Variants in RAB6A observed in about 807,000 individuals in gnomAD.
The protein encoded by RAB6A is RAB6A, member RAS oncogene family.
Under a neutral mutation model 32.3 loss-of-function variants are expected in RAB6A, and 8 were observed. That is an observed-to-expected ratio of 0.25 (90% CI 0.15 to 0.45). The LOEUF is 0.45. Among genes scored for constraint, RAB6A ranks in the 20% least tolerant of loss-of-function variants. RAB6A has a pLI of 1.00. For missense variants in RAB6A, 104 were observed against 249.4 expected (o/e 0.42, Z 3.93); for synonymous variants, 73 against 82.1 (o/e 0.89, Z 0.60).
chr11:73,704,884 T>C (rs2134914228), intron 6 of RAB6A, among the ~76,000 whole-genome samples: 1 of 151,606 alleles, frequency 6.6e-6, no homozygotes, highest in East Asian at 1.9e-4. Context: ...TAGTCCCAGC[T>C]GCTCGGGAGG....
At chr11:73,694,957 A>G (rs958609607) in intron 6 of RAB6A, among the ~76,000 whole-genome samples, 1 of 152,250 alleles carries the variant, frequency 6.6e-6, no homozygotes, top group Non-Finnish European at 1.5e-5. Context: ...TTGAGGTAAC[A>G]GTGAGCTGAG....
intron 1 of RAB6A, among the ~76,000 whole-genome samples, chr11:73,732,330 T>C (rs1424523022): frequency 6.6e-6 from 1 of 152,104 alleles, no homozygotes; most frequent in Non-Finnish European, 1.5e-5. Context: ...CTCACGCCTG[T>C]AATCCCAGCA....
chr11:73,712,440 T>G (rs1403724927), intron 5 of RAB6A, among the ~76,000 whole-genome samples: 1 of 151,694 alleles, frequency 6.6e-6, no homozygotes, highest in Non-Finnish European at 1.5e-5. Flanking sequence ...AACCTCCACC[T>G]CCTGGGCTCA....
At chr11:73,750,209 C>T (rs1590892034) in intron 1 of RAB6A, among the ~76,000 whole-genome samples, 1 of 152,012 alleles carries the variant, frequency 6.6e-6, no homozygotes, top group East Asian at 1.9e-4. Context: ...TCACAACGGA[C>T]AGGATAACAA....
At chr11:73,699,435 T>C (rs1945706968) in intron 6 of RAB6A, among the ~76,000 whole-genome samples, 2 of 152,014 alleles carry the variant, frequency 1.3e-5, no homozygotes, top group African/African-American at 4.8e-5. Context: ...GCTAGGTAAT[T>C]TTTAAATTTT....
At chr11:73,714,145 T>C (rs954186057) in intron 5 of RAB6A, among the ~76,000 whole-genome samples, 23 of 144,680 alleles carry the variant, frequency 1.6e-4, no homozygotes, top group African/African-American at 4.9e-4. Context: ...TTAGCCAAGA[T>C]TGTGCCATTG....
At chr11:73,744,897 C>A (rs1946562655) in intron 1 of RAB6A, among the ~76,000 whole-genome samples, 1 of 151,832 alleles carries the variant, frequency 6.6e-6, no homozygotes, top group Non-Finnish European at 1.5e-5. Flanking sequence ...ATCGCTTGAA[C>A]CCGGGAAGTG....
intron 6 of RAB6A, among the ~76,000 whole-genome samples, chr11:73,681,456 G>A (rs567033813): frequency 2.8e-4 from 42 of 152,272 alleles, no homozygotes; most frequent in East Asian, 1.9e-3. Context: ...TGAATTAAAC[G>A]AAGAAAGAAC....
Position 73,739,276 on chromosome 11 carries a change from A to AT in RAB6A, c.71-8454_71-8453insA, listed in dbSNP as rs1193734730. Among the ~76,000 whole-genome samples the AT allele has an allele frequency of 1.9e-3, 39 of 20,716 alleles. 2 individuals are homozygous for AT. Among genetic ancestry groups the AT allele is most frequent in the African/African-American group, 3.1e-3 (31 of 9,978 alleles). The allele number at this position is 20,716 out of a possible 152,430, so 13.6% of individuals were successfully genotyped here. A position where few individuals can be genotyped will look rare whatever the true frequency, so the allele number is the denominator to read the frequency against. On this transcript the variant is annotated intron_variant, in intron 1 of 7. Transcript: ENST00000336083. Reference sequence around the variant, plus strand: ...AGTAATAATAATTAAAAAAAAAAAAAAAAAAAAAATATATATATATATATA... The same window carrying AT: ...AGTAATAATAATTAAAAAAAAAAAAATAAAAAAAAATATATATATATATATA...
intron 6 of RAB6A, among the ~76,000 whole-genome samples, chr11:73,686,377 A>C (rs1945455936): frequency 6.6e-6 from 1 of 152,098 alleles, no homozygotes; most frequent in Non-Finnish European, 1.5e-5. Context: ...AACATGGTGA[A>C]ACTCCATCTC....
intron 2 of RAB6A, among the ~76,000 whole-genome samples, chr11:73,723,626 G>A (rs184214026): frequency 2.0e-5 from 3 of 152,268 alleles, no homozygotes; most frequent in Non-Finnish European, 4.4e-5. Flanking sequence ...ACTGCGCCTG[G>A]CCGAAAGAAA....
At chr11:73,705,855 G>A (rs918851210) in intron 6 of RAB6A, among the ~76,000 whole-genome samples, 10 of 149,954 alleles carry the variant, frequency 6.7e-5, no homozygotes, top group Non-Finnish European at 1.5e-4. Flanking sequence ...AGATCAGGTC[G>A]GTGAAAACAC....
chr11:73,723,169 G>A (rs543585284), intron 2 of RAB6A, among the ~76,000 whole-genome samples: 5 of 152,076 alleles, frequency 3.3e-5, no homozygotes, highest in Admixed American at 2.0e-4. Context: ...CTAGAGTGAT[G>A]AACAAACATG....
chr11:73,721,419 A>G (rs71479536), intron 2 of RAB6A, among the ~76,000 whole-genome samples: 5,555 of 152,290 alleles, frequency 0.036, 150 homozygotes, highest in Middle Eastern at 0.071. Context: ...GTCATTAGGT[A>G]AGGAAAACAA....
At chr11:73,713,484 C>G (rs1292145863) in intron 5 of RAB6A, among the ~76,000 whole-genome samples, 1 of 151,010 alleles carries the variant, frequency 6.6e-6, no homozygotes, top group Non-Finnish European at 1.5e-5. Context: ...AGGAGAATGG[C>G]GTGAACCCGG....
chr11:73,727,309 C>T lies in RAB6A; in HGVS notation c.129+3456G>A, dbSNP rs527933041. Reference sequence around the variant, plus strand: ...GGAGTGGTGGCGTGTACCTGTAGTCCCAGCTACTTAGGAGGCTGAGGCAGG... The same window carrying T: ...GGAGTGGTGGCGTGTACCTGTAGTCTCAGCTACTTAGGAGGCTGAGGCAGG... On this transcript the variant is annotated intron_variant, in intron 2 of 7. Coordinates refer to ENST00000336083, the MANE Select transcript of RAB6A (RefSeq NM_198896.2). 2.0e-3 allele frequency among the ~76,000 whole-genome samples: 304 copies of T among 151,660 alleles called. 1 individual carries two copies. Among genetic ancestry groups the T allele is most frequent in the Non-Finnish European group, 3.3e-3 (223 of 67,874 alleles).
At chr11:73,754,885 A>C (rs1048358868) in intron 1 of RAB6A, among the ~76,000 whole-genome samples, 1 of 2,012 alleles carries the variant, frequency 5.0e-4, no homozygotes, top group African/African-American at 6.5e-4. Flanking sequence ...GGATGCAGTC[A>C]AAAAAAAAAA....
chr11:73,756,781 T>C (rs181249246), intron 1 of RAB6A, among the ~76,000 whole-genome samples: 69 of 152,102 alleles, frequency 4.5e-4, no homozygotes, highest in Non-Finnish European at 7.4e-4. Context: ...GGTTGCAGTT[T>C]TCCTGCCTCA....
rs373456006 is a variant in RAB6A at position 73,718,713 on chromosome 11, T to C, written c.189A>G (p.Arg63=). Residue 63 remains arginine (R), a synonymous_variant, in exon 4 of 8, where the codon CGA becomes CGG. Coordinates refer to ENST00000336083, the MANE Select transcript of RAB6A (RefSeq NM_198896.2). ...GACCTGCTGTGTCCCATAATTGCAA[T>C]CGTACCTAACAACAAAATCAGTCAA... ...KTMYLEDRTV[R]LQLWDTAGQE... is the part of the protein sequence containing the mutation. 16 of 1,613,840 alleles carry C rather than the reference T, an allele frequency of 9.9e-6. No homozygotes were observed. The highest frequency in any genetic ancestry group is 9.4e-5 in the African/African-American group (7 of 74,842).
Sources: gnomAD v4.1 joint callset for allele counts (sites outside exome capture counted in the v4.1 genomes callset) on GRCh38, gnomAD v4.1.1 for gene constraint, MANE v1.5 for transcripts, NCBI Gene and HGNC (gene_info 2026-07-23, HGNC 2026-07-21) for gene names.